Variants in SLC9B1 observed in about 807,000 individuals in gnomAD.
The protein encoded by SLC9B1 is solute carrier family 9 member B1.
In SLC9B1, 32 loss-of-function variants were observed where a neutral mutation model predicts 51.7. The observed-to-expected ratio is 0.62, with a 90% CI of 0.47 to 0.83. The LOEUF is 0.83. Among genes scored for constraint, SLC9B1 ranks in the 40% least tolerant of loss-of-function variants. The probability of loss-of-function intolerance (pLI) is 0.00; values close to 1 mark genes in which losing one functional copy is unlikely to be tolerated. For synonymous variants in SLC9B1, 145 were observed against 212.7 expected, an observed-to-expected ratio of 0.68 and a Z score of 2.77; for missense variants, 406 against 613.2, an observed-to-expected ratio of 0.66 and a Z score of 3.57.
At chr4:102,988,489 T>C (rs188976559) in intron 3 of SLC9B1, among the ~76,000 whole-genome samples, 16 of 152,316 alleles carry the variant, frequency 1.1e-4, no homozygotes, top group African/African-American at 3.8e-4. Context: ...ATTATTTTGT[T>C]GTTTCATTCT....
intron 1 of SLC9B1, among the ~76,000 whole-genome samples, chr4:102,999,606 T>C (rs1478047025): frequency 6.6e-6 from 1 of 152,226 alleles, no homozygotes; most frequent in Non-Finnish European, 1.5e-5. Context: ...AGTCTCCAGA[T>C]GATAACTTCT....
chr4:103,005,815 T>C (rs963525009), intron 1 of SLC9B1, among the ~76,000 whole-genome samples: 1 of 152,164 alleles, frequency 6.6e-6, no homozygotes, highest in African/African-American at 2.4e-5. Context: ...TAGAGTTACA[T>C]AGAAATTAAG....
chr4:103,019,566 T>C, intron 1 of SLC9B1, 33 bp downstream of exon 1: 1 of 985,170 alleles, frequency 1.0e-6, no homozygotes. Context: ...CCAAAGGGCT[T>C]GGAAGGGCGG....
At chr4:102,948,915 C>T (rs2110476236) in intron 4 of SLC9B1, among the ~76,000 whole-genome samples, 1 of 152,252 alleles carries the variant, frequency 6.6e-6, no homozygotes, top group Admixed American at 6.5e-5. Context: ...CACCATTATG[C>T]AATATATCCA....
chr4:102,917,209 T>G (rs1309085428), intron 7 of SLC9B1, among the ~76,000 whole-genome samples: 4 of 152,186 alleles, frequency 2.6e-5, no homozygotes, highest in Non-Finnish European at 5.9e-5. Context: ...GCCTTTGGCC[T>G]CAGACTAGTG....
chr4:102,976,270 C>T (rs1215787926), intron 3 of SLC9B1, among the ~76,000 whole-genome samples: 1 of 150,732 alleles, frequency 6.6e-6, no homozygotes, highest in Non-Finnish European at 1.5e-5. Flanking sequence ...ATAACATTTA[C>T]TAGCCTACGT....
intron 1 of SLC9B1, among the ~76,000 whole-genome samples, chr4:103,009,181 C>G (rs1318180005): frequency 6.6e-6 from 1 of 152,206 alleles, no homozygotes; most frequent in Non-Finnish European, 1.5e-5. Flanking sequence ...ATACGTACTT[C>G]TTGGGAACTT....
chr4:102,945,387 T>C (rs942588176), intron 5 of SLC9B1, 67 bp from the exon 6 acceptor site: 6 of 1,461,742 alleles, frequency 4.1e-6, no homozygotes, highest in Middle Eastern at 1.8e-4. Flanking sequence ...TTTTAACAAA[T>C]GTCAAACTAT....
intron 7 of SLC9B1, among the ~76,000 whole-genome samples, chr4:102,917,224 C>T (rs1735620316): frequency 6.6e-6 from 1 of 152,150 alleles, no homozygotes; most frequent in Non-Finnish European, 1.5e-5. Context: ...CTAGTGGCTG[C>T]ACTGTCAGCT....
intron 7 of SLC9B1, among the ~76,000 whole-genome samples, chr4:102,918,200 T>C (rs1047324184): frequency 6.6e-6 from 1 of 151,738 alleles, no homozygotes; most frequent in African/African-American, 2.4e-5. Context: ...ACTCAACTTC[T>C]TTTAGGAACA....
intron 3 of SLC9B1, among the ~76,000 whole-genome samples, chr4:102,989,003 C>A (rs1227493423): frequency 1.3e-5 from 2 of 151,924 alleles, no homozygotes; most frequent in Admixed American, 6.6e-5. Context: ...ACAAAGGAGT[C>A]CAATCACTTA....
chr4:102,962,938 G>A lies in SLC9B1; in HGVS notation c.212-13511C>T, dbSNP rs1738216900. The A allele has an allele frequency of 1.1e-5, 5 of 464,328 alleles. No individual in the cohort carries two copies. In the Admixed American group the frequency reaches 1.2e-4, roughly 11 times the overall value. 28.8% of individuals were successfully genotyped at this position (464,328 alleles called of 1,614,324 possible). A position where few individuals can be genotyped will look rare whatever the true frequency, so the allele number is the denominator to read the frequency against. On this transcript the variant is annotated intron_variant, in intron 3 of 11. Coordinates refer to ENST00000296422, the MANE Select transcript of SLC9B1 (RefSeq NM_139173.4). ...AACCTGAAATATTTTTTTACCCAGA[G>A]TTTGCCAACCCAGACTTTATGGAAT...
intron 3 of SLC9B1, among the ~76,000 whole-genome samples, chr4:102,981,320 T>C (rs1221831059): frequency 6.6e-6 from 1 of 152,176 alleles, no homozygotes; most frequent in Non-Finnish European, 1.5e-5. Flanking sequence ...CATGTTTATG[T>C]GCAGGTTTTT....
intron 3 of SLC9B1, among the ~76,000 whole-genome samples, chr4:102,965,615 C>G (rs1433144903): frequency 6.6e-6 from 1 of 152,100 alleles, no homozygotes; most frequent in African/African-American, 2.4e-5. Context: ...CATGGCATTC[C>G]ACCCTTGGAA....
At chr4:102,988,930 T>C (rs1378778730) in intron 3 of SLC9B1, among the ~76,000 whole-genome samples, 1 of 152,030 alleles carries the variant, frequency 6.6e-6, no homozygotes, top group African/African-American at 2.4e-5. Flanking sequence ...GCCCTACTCC[T>C]AATAACTGCT....
intron 6 of SLC9B1, among the ~76,000 whole-genome samples, chr4:102,938,244 A>C (rs4446311): frequency 6.6e-6 from 1 of 151,936 alleles, no homozygotes; most frequent in Non-Finnish European, 1.5e-5. Context: ...GACAAAATAG[A>C]CTTTAAACCA....
At chr4:102,969,481 GGTCACCATCAT>G (rs773076007) in intron 3 of SLC9B1, among the ~76,000 whole-genome samples, 16 of 152,246 alleles carry the variant, frequency 1.1e-4, no homozygotes, top group Non-Finnish European at 2.1e-4. Flanking sequence ...CCCATCTGTA[GGTCACCATCAT>G]CAAAGACCAA....
At chr4:102,982,859 C>G (rs764632859) in intron 3 of SLC9B1, among the ~76,000 whole-genome samples, 5 of 152,054 alleles carry the variant, frequency 3.3e-5, no homozygotes, top group African/African-American at 7.2e-5. Flanking sequence ...TCCTTCCTAA[C>G]CTGTATACCT....
chr4:102,993,446 T>C (rs1279853820), intron 1 of SLC9B1, among the ~76,000 whole-genome samples: 1 of 152,222 alleles, frequency 6.6e-6, no homozygotes, highest in Non-Finnish European at 1.5e-5. Context: ...CCCATGGCCT[T>C]GGGCAGCTCC....
Sources: allele counts gnomAD v4.1 joint callset (sites outside exome capture counted in the v4.1 genomes callset), GRCh38; gene constraint gnomAD v4.1.1; transcripts MANE v1.5; gene names NCBI Gene and HGNC (gene_info 2026-07-23, HGNC 2026-07-21).